UNC45A: variants seen among roughly 807,000 people sequenced by gnomAD.
The protein encoded by UNC45A is unc-45 myosin chaperone A, also known as protein unc-45 homolog A.
A neutral mutation model predicts 103.2 loss-of-function variants in UNC45A; 78 were observed. That is an observed-to-expected ratio of 0.76 (90% CI 0.63 to 0.91). UNC45A has a LOEUF of 0.91. Ranked by LOEUF, UNC45A falls within the 40% of genes least tolerant of loss-of-function variation. The pLI, the probability that UNC45A is intolerant of heterozygous loss-of-function variation, is 0.00. For synonymous variants in UNC45A, 495 were observed against 504.6 expected (o/e 0.98, Z 0.25); for missense variants, 1,193 against 1,224.8 (o/e 0.97, Z 0.39).
chr15:90,946,882 G>T lies in UNC45A; in HGVS notation c.1468G>T (p.Glu490Ter). 1 of 1,504,494 alleles carries T rather than the reference G, an allele frequency of 6.6e-7. No individual in the cohort carries two copies. The highest frequency in any genetic ancestry group is 1.1e-5 in the South Asian group (1 of 89,920). 93.2% of individuals were successfully genotyped at this position (1,504,494 alleles called of 1,614,324 possible). ...SLLKDLYKCS[E>*]KDSIRIRALV... ...GCTGAAGGACCTATATAAGTGCAGC[G>T]AGAAGGACAGCATCCGCATCCGGGC... Residue 490 changes from glutamate to a stop codon, truncating the protein, a stop_gained, in exon 10 of 20, where the codon GAG becomes TAG. Coordinates refer to ENST00000418476, the MANE Select transcript of UNC45A (RefSeq NM_018671.5). LOFTEE classifies it high-confidence loss of function.
chr15:90,933,586 G>T, upstream of UNC45A: 1 of 153,264 alleles, frequency 6.5e-6, no homozygotes. Flanking sequence ...AGCTAGTCTT[G>T]GTGGTTGCCA....
chr15:90,944,553 C>T (rs961142343), intron 8 of UNC45A, among the ~76,000 whole-genome samples: 1 of 152,050 alleles, frequency 6.6e-6, no homozygotes, highest in Non-Finnish European at 1.5e-5. Context: ...CACAGTGGTC[C>T]TACGAGGTGT....
Position 90,935,972 on chromosome 15 carries a change from G to A in UNC45A, c.240G>A (p.Glu80=). The A allele has an allele frequency of 6.2e-7, 1 of 1,614,030 alleles. No individual in the cohort carries two copies. Among genetic ancestry groups the A allele is most frequent in the Non-Finnish European group, 8.5e-7 (1 of 1,180,020 alleles). The change falls in exon 3 of 20, where the codon GAG becomes GAA. Residue 80 remains glutamate, a synonymous_variant. Coordinates refer to ENST00000418476, the MANE Select transcript of UNC45A (RefSeq NM_018671.5). Reference sequence around the variant, plus strand: ...AAGATTACGACAAAGCAGAAACAGAGGCATCCAAAGGTAGGGGAATGGTGG... The same window carrying A: ...AAGATTACGACAAAGCAGAAACAGAAGCATCCAAAGGTAGGGGAATGGTGG... ...KLEDYDKAET[E]ASKAIEKDGG... is the part of the protein sequence containing the mutation.
chr15:90,945,632 A>AT (rs35819329), intron 9 of UNC45A, among the ~76,000 whole-genome samples: 51,930 of 130,362 alleles, frequency 0.4, 10,823 homozygotes, highest in East Asian at 0.6. Context: ...AAGTGCTGGG[A>AT]TTTTTTTTTT....
chr15:90,936,479 G>A lies in UNC45A; in HGVS notation c.426+19G>A, dbSNP rs753642335. ...GGAGAAGGTATGTGAGTGACCCAGA[G>A]AGGTGGAAGCATTGACTGGTGGTGA... On this transcript the variant is annotated intron_variant, in intron 4 of 19. Coordinates refer to ENST00000418476, the MANE Select transcript of UNC45A (RefSeq NM_018671.5). 5.0e-6 allele frequency: 8 copies of A among 1,612,540 alleles called. No individual in the cohort carries two copies. The highest frequency in any genetic ancestry group is 6.8e-6 in the Non-Finnish European group (8 of 1,179,098).
At chr15:90,943,307 C>T (rs1277270852) in intron 8 of UNC45A, among the ~76,000 whole-genome samples, 1 of 151,324 alleles carries the variant, frequency 6.6e-6, no homozygotes, top group Non-Finnish European at 1.5e-5. Flanking sequence ...TGTGCATCGG[C>T]AGTCCTAGCT....
At chr15:90,935,911 G>T (rs1383561873) in intron 2 of UNC45A, 35 bp from the exon 3 acceptor site, 3 of 1,613,750 alleles carry the variant, frequency 1.9e-6, no homozygotes, top group Non-Finnish European at 2.5e-6. Context: ...AGAGGGAGAT[G>T]ACCATTCCTT....
In UNC45A at chr15:90,948,839, C is replaced by CAGCTA. The variant is rs776872815; in HGVS notation, c.1878+47_1878+51dup. On this transcript the variant is annotated intron_variant, in intron 13 of 19. Transcript: ENST00000418476. ...GCTAGAGGGTTCCCCACCATGGGGA[C>CAGCTA]AGCTAACCCAGGGCATCCACAGCAG... 12 of 1,475,196 alleles carry CAGCTA rather than the reference C, an allele frequency of 8.1e-6. No individual in the cohort carries two copies. The African/African-American group carries it at 1.4e-4, about 17-fold the overall frequency. The allele number at this position is 1,475,196 out of a possible 1,614,324, so 91.4% of individuals were successfully genotyped here. A position where few individuals can be genotyped will look rare whatever the true frequency, so the allele number is the denominator to read the frequency against.
At chr15:90,948,017 C>T in intron 11 of UNC45A, 125 bp from the exon 12 acceptor site, 1 of 1,523,384 alleles carries the variant, frequency 6.6e-7, no homozygotes, top group Non-Finnish European at 9.0e-7. Flanking sequence ...AGTCTGGATC[C>T]TGGTACGTGA....
chr15:90,936,259 C>G (rs1326355778), intron 3 of UNC45A, 26 bp from the exon 4 acceptor site: 1 of 1,599,618 alleles, frequency 6.3e-7, no homozygotes, highest in East Asian at 2.2e-5. Context: ...CTCATGGGTG[C>G]TGACAGCGCT....
chr15:90,953,804 G>A lies in UNC45A; in HGVS notation c.*88G>A. ...ACGGAAGCAGCTTTGGCTGGTGGTG[G>A]CTGGCATGCCCAATACTCTTGCCCA... is the stretch of plus-strand genomic sequence containing the variant. On this transcript the variant is annotated 3_prime_UTR_variant, in exon 20 of 20. Coordinates refer to ENST00000418476, the MANE Select transcript of UNC45A (RefSeq NM_018671.5). The A allele has an allele frequency of 2.0e-6, 3 of 1,519,588 alleles. No individual in the cohort carries two copies. The highest frequency in any genetic ancestry group is 2.7e-6 in the Non-Finnish European group (3 of 1,126,876). The allele number at this position is 1,519,588 out of a possible 1,614,324, so 94.1% of individuals were successfully genotyped here. A position where few individuals can be genotyped will look rare whatever the true frequency, so the allele number is the denominator to read the frequency against.
At chr15:90,930,231 C>T (rs2035743760) in exon 1 of UNC45A, 1 of 152,212 alleles carries the variant, frequency 6.6e-6, no homozygotes, top group Admixed American at 6.5e-5. Flanking sequence ...GATTGCGAGT[C>T]ACCGAGTTTC....
intron 4 of UNC45A, among the ~76,000 whole-genome samples, chr15:90,939,275 C>T (rs1482388377): frequency 6.6e-6 from 1 of 152,236 alleles, no homozygotes; most frequent in African/African-American, 2.4e-5. Context: ...GCCACTGCGC[C>T]CAGCTCAGAT....
chr15:90,940,337 A>G lies in UNC45A; in HGVS notation c.551A>G (p.Glu184Gly). The change falls in exon 6 of 20, where the codon GAG becomes GGG. Residue 184 changes from glutamate (E) to glycine (G), a missense_variant. Glu to Gly is a moderately conservative substitution (Grantham distance 98). Coordinates refer to ENST00000418476, the MANE Select transcript of UNC45A (RefSeq NM_018671.5). Reference protein sequence around the residue: ...ASQNLVVLAREDAGAEKIFRS... With the variant: ...ASQNLVVLARGDAGAEKIFRS... The stretch of plus-strand genomic sequence containing the variant: ...CAGAACCTGGTGGTGCTGGCCAGGG[A>G]GGATGCTGGAGCGGAGAAGATCTTC... 1 of 1,614,004 alleles carries G rather than the reference A, an allele frequency of 6.2e-7. No homozygotes were observed. Among genetic ancestry groups the G allele is most frequent in the Non-Finnish European group, 8.5e-7 (1 of 1,179,930 alleles).
Position 90,950,593 on chromosome 15 carries a change from G to A in UNC45A, c.2281G>A (p.Ala761Thr), listed in dbSNP as rs2036848598. The change falls in exon 17 of 20, where the codon GCT becomes ACT. Residue 761 changes from alanine (A) to threonine (T), a missense_variant. Ala to Thr is a moderately conservative substitution (Grantham distance 58). Transcript: ENST00000418476. ...FEALMALTNL[A>T]GISERLRQKI... ...GGCGCTCATGGCCCTAACAAACCTG[G>A]CTGGGATCAGCGAGAGGCTCCGGTA... The A allele has an allele frequency of 4.3e-6, 7 of 1,614,182 alleles. 1 individual carries two copies. The highest frequency in any genetic ancestry group is 1.6e-4 in the Middle Eastern group (1 of 6,062).
At position 90,936,299 on chromosome 15, in the gene UNC45A, G is replaced by A; in HGVS notation, c.265G>A (p.Gly89Ser). The change falls in exon 4 of 20, where the codon GGT becomes AGT. Residue 89 changes from glycine (G) to serine (S), a missense_variant. Coordinates refer to ENST00000418476, the MANE Select transcript of UNC45A (RefSeq NM_018671.5). ...TEASKAIEKD[G>S]GDVKALYRRS... ...TTTGTGCTCAGCCATTGAAAAGGAT[G>A]GTGGGGATGTCAAAGCACTCTACCG... is the stretch of plus-strand genomic sequence containing the variant. The A allele has an allele frequency of 6.2e-7, 1 of 1,613,590 alleles. No homozygotes were observed. Among genetic ancestry groups the A allele is most frequent in the Non-Finnish European group, 8.5e-7 (1 of 1,179,792 alleles).
Position 90,935,989 on chromosome 15 carries a change from G to A in UNC45A, c.250+7G>A. The A allele has an allele frequency of 6.2e-7, 1 of 1,614,040 alleles. No homozygotes were observed. The highest frequency in any genetic ancestry group is 8.5e-7 in the Non-Finnish European group (1 of 1,179,998). ...GAAACAGAGGCATCCAAAGGTAGGG[G>A]AATGGTGGGCCCTGGTGTGGAGCTG... On this transcript the variant is annotated splice_region_variant and intron_variant, in intron 3 of 19. Transcript: ENST00000418476.
Position 90,935,673 on chromosome 15 carries a change from CACCGGA to C in UNC45A, c.187_192del (p.Asn63_Arg64del). Reference sequence around the variant, plus strand: ...GACGCCCCAGGACCAGGCCGTTCTGCACCGGAACCGGGCCGCCTGCCACCTCAAGCT... The same window carrying C: ...GACGCCCCAGGACCAGGCCGTTCTGCACCGGGCCGCCTGCCACCTCAAGCT... On this transcript the variant is annotated inframe_deletion, in exon 2 of 20. Transcript: ENST00000418476. 6.3e-7 allele frequency: 1 copy of C among 1,581,204 alleles called. No homozygotes were observed. Among genetic ancestry groups the C allele is most frequent in the South Asian group, 1.2e-5 (1 of 86,314 alleles).
chr15:90,944,010 T>G (rs1200826527), intron 8 of UNC45A, among the ~76,000 whole-genome samples: 1 of 148,298 alleles, frequency 6.7e-6, no homozygotes, highest in Non-Finnish European at 1.5e-5. Context: ...TTTTTTTTTT[T>G]TGTTTGAGTG....
Sources: gnomAD v4.1 joint callset for allele counts (sites outside exome capture counted in the v4.1 genomes callset) on GRCh38, gnomAD v4.1.1 for gene constraint, MANE v1.5 for transcripts, NCBI Gene and HGNC (gene_info 2026-07-23, HGNC 2026-07-21) for gene names.